SMIM35: variants seen among roughly 807,000 people sequenced by gnomAD.
SMIM35 encodes the protein small integral membrane protein 35.
intron 1 of SMIM35, among the ~76,000 whole-genome samples, chr11:118,086,475 T>A (rs1007989742): frequency 6.6e-6 from 1 of 152,266 alleles, no homozygotes; most frequent in Non-Finnish European, 1.5e-5. Context: ...GCTCTAATAA[T>A]GACTCAACGC....
intron 1 of SMIM35, among the ~76,000 whole-genome samples, chr11:118,047,708 T>A (rs1944123326): frequency 6.6e-6 from 1 of 152,228 alleles, no homozygotes. Context: ...ATAAGTTATT[T>A]CAGCAGCCAA....
At position 118,057,950 on chromosome 11, in the gene SMIM35, C is replaced by G. The variant is rs148494732; in HGVS notation, c.7+28801G>C. Among the ~76,000 whole-genome samples the G allele has an allele frequency of 7.7e-3, 1,169 of 152,254 alleles. 13 individuals are homozygous for G. The highest frequency in any genetic ancestry group is 0.027 in the African/African-American group (1,112 of 41,530). On this transcript the variant is annotated intron_variant, in intron 1 of 4. Transcript: ENST00000689828. ...TGAAACACAAACAGACATTATCGTTCAAAGTAAACGATGATATTCATCTCC... is the reference window on the plus strand; with the variant it reads ...TGAAACACAAACAGACATTATCGTTGAAAGTAAACGATGATATTCATCTCC...
At chr11:118,061,537 T>C (rs547238674) in intron 1 of SMIM35, among the ~76,000 whole-genome samples, 1 of 152,084 alleles carries the variant, frequency 6.6e-6, no homozygotes, top group South Asian at 2.1e-4. Context: ...GTAACTAAGT[T>C]ACCAGACGAA....
chr11:118,009,387 C>G (rs1166621820), intron 4 of SMIM35, among the ~76,000 whole-genome samples: 1 of 152,200 alleles, frequency 6.6e-6, no homozygotes, highest in Non-Finnish European at 1.5e-5. Context: ...CTCTGGGCCT[C>G]TGTTCCCTCA....
At chr11:118,044,811 A>G (rs112707682) in intron 1 of SMIM35, among the ~76,000 whole-genome samples, 37,223 of 136,800 alleles carry the variant, frequency 0.27, 5,498 homozygotes, top group South Asian at 0.3. Flanking sequence ...TAAAAAAAAA[A>G]CAAAACAAAC....
At chr11:118,026,718 A>C (rs1329264907) in intron 1 of SMIM35, among the ~76,000 whole-genome samples, 1 of 152,200 alleles carries the variant, frequency 6.6e-6, no homozygotes. Flanking sequence ...TGTAATCCTC[A>C]GCACTTTGGG....
chr11:118,063,207 T>G (rs1204826209), intron 1 of SMIM35, among the ~76,000 whole-genome samples: 4 of 152,244 alleles, frequency 2.6e-5, no homozygotes, highest in Non-Finnish European at 5.9e-5. Context: ...CTTTAGTTTC[T>G]TAATAAACTT....
chr11:118,006,189 C>T lies in SMIM35; in HGVS notation c.*221G>A, dbSNP rs1344592447. The T allele has an allele frequency of 6.6e-6, 1 of 152,272 alleles. No individual in the cohort carries two copies. The highest frequency in any genetic ancestry group is 1.5e-5 in the Non-Finnish European group (1 of 68,074). 9.4% of individuals were successfully genotyped at this position (152,272 alleles called of 1,614,324 possible). On this transcript the variant is annotated 3_prime_UTR_variant, in exon 5 of 5. Coordinates refer to ENST00000689828, the MANE Select transcript of SMIM35 (RefSeq NM_001394165.1). ...TGCAGCACTGACAGCTCCAGGGACA[C>T]CCCGCACATGGTATGCTATAATATG...
At chr11:118,070,432 C>A (rs1469874781) in intron 1 of SMIM35, among the ~76,000 whole-genome samples, 1 of 152,190 alleles carries the variant, frequency 6.6e-6, no homozygotes, top group African/African-American at 2.4e-5. Flanking sequence ...CTGCCTCGGC[C>A]TCCCAAAGTG....
intron 4 of SMIM35, among the ~76,000 whole-genome samples, chr11:118,007,299 C>T (rs2058126889): frequency 6.6e-6 from 1 of 152,246 alleles, no homozygotes; most frequent in Admixed American, 6.5e-5. Flanking sequence ...GTCCTCAGGT[C>T]CAATGGCAGC....
chr11:118,029,872 C>T (rs1319433890), intron 1 of SMIM35: 2 of 445,600 alleles, frequency 4.5e-6, no homozygotes, highest in Non-Finnish European at 9.0e-6. Context: ...ATTGCTACCT[C>T]CACATCACCA....
intron 1 of SMIM35, among the ~76,000 whole-genome samples, chr11:118,062,645 TG>T: frequency 1.3e-5 from 2 of 152,248 alleles, no homozygotes; most frequent in Middle Eastern, 6.8e-3. Context: ...AACCCTCTCC[TG>T]GCCCTCCCTC....
chr11:118,055,464 A>G (rs1418046697), intron 1 of SMIM35, among the ~76,000 whole-genome samples: 1 of 152,098 alleles, frequency 6.6e-6, no homozygotes, highest in African/African-American at 2.4e-5. Flanking sequence ...TCCTACCAAG[A>G]CATGCTTTGT....
chr11:118,025,533 CA>C (rs1162792083), intron 1 of SMIM35: 1 of 454,820 alleles, frequency 2.2e-6, no homozygotes, highest in Non-Finnish European at 4.4e-6. Flanking sequence ...TGCATTTTTC[CA>C]ATGATTAGTG....
At chr11:118,081,796 C>T (rs1258318122) in intron 1 of SMIM35, among the ~76,000 whole-genome samples, 1 of 152,120 alleles carries the variant, frequency 6.6e-6, no homozygotes, top group Non-Finnish European at 1.5e-5. Flanking sequence ...TGAGCATCTA[C>T]TATGTGCTAG....
intron 1 of SMIM35, among the ~76,000 whole-genome samples, chr11:118,060,392 T>C (rs951589234): frequency 9.8e-5 from 15 of 152,358 alleles, no homozygotes; most frequent in African/African-American, 3.6e-4. Context: ...CTCTTGGTGC[T>C]AATGAAAGTG....
chr11:118,067,860 C>CATATATATAT (rs57497227), intron 1 of SMIM35, among the ~76,000 whole-genome samples: 63 of 80,910 alleles, frequency 7.8e-4, no homozygotes, highest in East Asian at 1.4e-3. Flanking sequence ...CAACAACAAA[C>CATATATATAT]ATATATATAT....
intron 1 of SMIM35, among the ~76,000 whole-genome samples, chr11:118,082,290 G>A (rs1378623111): frequency 6.6e-6 from 1 of 152,142 alleles, no homozygotes; most frequent in African/African-American, 2.4e-5. Flanking sequence ...GCCGGGTGTG[G>A]TGGCTCATGC....
intron 4 of SMIM35, 45 bp downstream of exon 4, chr11:118,013,703 C>T: frequency 5.0e-6 from 2 of 398,216 alleles, no homozygotes; most frequent in Non-Finnish European, 8.9e-6. Context: ...TAGGACCTTA[C>T]TTGGACATCA....
Sources: gnomAD v4.1 joint callset for allele counts (sites outside exome capture counted in the v4.1 genomes callset) on GRCh38, gnomAD v4.1.1 for gene constraint, MANE v1.5 for transcripts, NCBI Gene and HGNC (gene_info 2026-07-23, HGNC 2026-07-21) for gene names.